The following CTPS2 variants were observed in gnomAD, a reference collection of about 807,000 sequenced individuals.
CTPS2 encodes CTP synthase 2, also known as CTP synthase II.
CTPS2 carries 19 observed loss-of-function variants against 46.8 expected under a neutral mutation model. That is an observed-to-expected ratio of 0.41 (90% confidence interval 0.28 to 0.60). The LOEUF is 0.60. Among genes scored for constraint, CTPS2 ranks in the 20% least tolerant of loss-of-function variants. CTPS2 has a pLI of 0.35. For missense variants in CTPS2, 286 were observed against 447.6 expected (o/e 0.64, Z 3.26); for synonymous variants, 151 against 165.2 (o/e 0.91, Z 0.66).
chrX:16,679,235 G>A (rs1462687016), intron 9 of CTPS2, among the ~76,000 whole-genome samples: 1 of 111,172 alleles, frequency 9.0e-6, no homozygotes, highest in African/African-American at 3.3e-5. Flanking sequence ...GCAGGTGCCT[G>A]TAATCTCAGC....
chrX:16,704,159 G>A (rs767277811), intron 1 of CTPS2, among the ~76,000 whole-genome samples: 3 of 110,783 alleles, frequency 2.7e-5, no homozygotes, highest in Non-Finnish European at 5.7e-5. Flanking sequence ...GGCTGGTCTC[G>A]AACTCCTGGT....
At chrX:16,597,638 G>C (rs1174600474) in intron 17 of CTPS2, among the ~76,000 whole-genome samples, 1 of 111,775 alleles carries the variant, frequency 8.9e-6, no homozygotes, top group Non-Finnish European at 1.9e-5. Context: ...GATGCCTCCA[G>C]CTTTGTTCTT....
intron 2 of CTPS2, among the ~76,000 whole-genome samples, chrX:16,701,044 C>T (rs971378841): frequency 1.8e-5 from 2 of 111,409 alleles, no homozygotes; most frequent in African/African-American, 6.5e-5. Flanking sequence ...AACTATCCTA[C>T]GTGGCCAAAC....
Position 16,611,023 on chromosome X carries a change from C to T in CTPS2, c.1547-1338G>A, listed in dbSNP as rs1044289093. On this transcript the variant is annotated intron_variant, in intron 16 of 18. Transcript: ENST00000359276. ...GACATAAAGATGGGAACAATAGACACTGGGAACTACCAGAGGGAGGAAGGA... is the reference window on the plus strand; with the variant it reads ...GACATAAAGATGGGAACAATAGACATTGGGAACTACCAGAGGGAGGAAGGA... Among the ~76,000 whole-genome samples, 35 of 111,907 alleles carry T rather than the reference C, an allele frequency of 3.1e-4. 1 individual carries two copies. The highest frequency in any genetic ancestry group is 1.1e-4 in the Non-Finnish European group (6 of 53,200).
chrX:16,682,537 G>A (rs1180958234), intron 9 of CTPS2, among the ~76,000 whole-genome samples: 2 of 112,008 alleles, frequency 1.8e-5, no homozygotes, highest in African/African-American at 3.2e-5. Flanking sequence ...GCTGCCCTTG[G>A]AAAGGCCTGC....
At chrX:16,618,681 G>A (rs761355845) in intron 15 of CTPS2, among the ~76,000 whole-genome samples, 1 of 111,389 alleles carries the variant, frequency 9.0e-6, no homozygotes, top group African/African-American at 3.3e-5. Flanking sequence ...GTTTCAATAC[G>A]CATTTCCCTG....
chrX:16,702,569 A>T (rs886439954), intron 2 of CTPS2, among the ~76,000 whole-genome samples, 168 bp downstream of exon 2: 3 of 112,073 alleles, frequency 2.7e-5, no homozygotes, highest in Non-Finnish European at 5.6e-5. Context: ...TTGGAATGTC[A>T]TCAGAGGTAT....
At chrX:16,616,974 C>T (rs1240513597) in intron 16 of CTPS2, among the ~76,000 whole-genome samples, 176 bp downstream of exon 16, 3 of 111,873 alleles carry the variant, frequency 2.7e-5, no homozygotes, top group Non-Finnish European at 5.6e-5. Flanking sequence ...GGATTACAGG[C>T]GTGAGCCACC....
chrX:16,597,652 G>T (rs1929363814), intron 17 of CTPS2, among the ~76,000 whole-genome samples: 2 of 111,592 alleles, frequency 1.8e-5, no homozygotes, highest in South Asian at 7.6e-4. Context: ...TGTTCTTTTG[G>T]CTTAGGATTG....
chrX:16,663,998 G>C (rs933415179), intron 13 of CTPS2, among the ~76,000 whole-genome samples: 2 of 110,753 alleles, frequency 1.8e-5, no homozygotes, highest in African/African-American at 3.3e-5. Context: ...ACCACGCCCA[G>C]CTAATTTCTT....
intron 14 of CTPS2, among the ~76,000 whole-genome samples, chrX:16,630,834 A>G (rs1374843833): frequency 1.8e-5 from 2 of 112,909 alleles, no homozygotes; most frequent in African/African-American, 3.2e-5. Flanking sequence ...TGAAAATGAT[A>G]TGAAATCAAC....
chrX:16,620,223 G>T, intron 15 of CTPS2, 54 bp downstream of exon 15: 1 of 981,128 alleles, frequency 1.0e-6, no homozygotes, highest in Non-Finnish European at 1.4e-6. Context: ...GTAATCACTG[G>T]GTTCCTCACA....
At chrX:16,682,484 C>A (rs781132908) in intron 9 of CTPS2, among the ~76,000 whole-genome samples, 11 of 111,152 alleles carry the variant, frequency 9.9e-5, no homozygotes, top group Non-Finnish European at 1.9e-4. Flanking sequence ...GACTGTGTCT[C>A]AAAAAAGGAA....
intron 13 of CTPS2, among the ~76,000 whole-genome samples, chrX:16,657,795 G>T (rs1239165713): frequency 8.9e-6 from 1 of 111,957 alleles, no homozygotes; most frequent in Non-Finnish European, 1.9e-5. Context: ...CTAAATTTTG[G>T]GAGGAGAGTA....
intron 16 of CTPS2, among the ~76,000 whole-genome samples, chrX:16,613,653 T>G (rs1241738737): frequency 9.1e-6 from 1 of 109,328 alleles, no homozygotes. Flanking sequence ...TGAAGTGCAG[T>G]GGCATGATCA....
rs1161473020 is a variant in CTPS2 at position 16,588,726 on chromosome X, C to G, written c.*1091G>C. 8.9e-6 allele frequency: 1 copy of G among 112,371 alleles called. No individual in the cohort carries two copies. The highest frequency in any genetic ancestry group is 1.9e-5 in the Non-Finnish European group (1 of 53,279). The allele number at this position is 112,371 out of a possible 1,213,427, so 9.3% of individuals were successfully genotyped here. On this transcript the variant is annotated 3_prime_UTR_variant, in exon 19 of 19. Coordinates refer to ENST00000359276, the MANE Select transcript of CTPS2 (RefSeq NM_175859.3). Reference sequence around the variant, plus strand: ...GATAGGGAGTGACTGCTAGTGTGTACAGGCATTTATTTTGGAGTGATGAAA... The same window carrying G: ...GATAGGGAGTGACTGCTAGTGTGTAGAGGCATTTATTTTGGAGTGATGAAA...
At chrX:16,602,611 A>G (rs1929732161) in intron 17 of CTPS2, among the ~76,000 whole-genome samples, 1 of 112,076 alleles carries the variant, frequency 8.9e-6, no homozygotes, top group Admixed American at 9.5e-5. Flanking sequence ...AATGAACTTC[A>G]TGCAACTTGG....
chrX:16,600,681 A>G (rs1376718787), intron 17 of CTPS2, among the ~76,000 whole-genome samples: 1 of 111,893 alleles, frequency 8.9e-6, no homozygotes, highest in Non-Finnish European at 1.9e-5. Context: ...ATCCCACCCC[A>G]AGGGAAGGTG....
chrX:16,616,379 G>A (rs1389339754), intron 16 of CTPS2, among the ~76,000 whole-genome samples: 1 of 111,984 alleles, frequency 8.9e-6, no homozygotes, highest in Non-Finnish European at 1.9e-5. Flanking sequence ...TGACTGACCC[G>A]TGCTTGACCA....
Sources: gnomAD v4.1 joint callset for allele counts (sites outside exome capture counted in the v4.1 genomes callset) on GRCh38, gnomAD v4.1.1 for gene constraint, MANE v1.5 for transcripts, NCBI Gene and HGNC (gene_info 2026-07-23, HGNC 2026-07-21) for gene names.